The following ME1 variants were observed in gnomAD, a reference collection of about 807,000 sequenced individuals.
ME1 encodes the protein malic enzyme 1.
Under a neutral mutation model 66.4 loss-of-function variants are expected in ME1, and 74 were observed. The observed-to-expected ratio is 1.11, with a 90% CI of 0.92 to 1.35. The LOEUF is 1.35. Ranked by LOEUF, ME1 falls within the 40% of genes most tolerant of loss-of-function variation. The pLI is 0.00. For synonymous variants in ME1, 251 were observed against 235.6 expected (o/e 1.07, Z -0.60); for missense variants, 750 against 694.1 (o/e 1.08, Z -0.90).
At chr6:83,322,025 CCTCCAGCAAA>C (rs1463397280) in intron 5 of ME1, among the ~76,000 whole-genome samples, 1 of 152,198 alleles carries the variant, frequency 6.6e-6, no homozygotes, top group Non-Finnish European at 1.5e-5. Flanking sequence ...CTGGAGTGGA[CCTCCAGCAAA>C]CTCCAGCAGA....
At chr6:83,349,003 A>AAAAAAAC (rs1562487138) in intron 4 of ME1, among the ~76,000 whole-genome samples, 1 of 143,480 alleles carries the variant, frequency 7.0e-6, no homozygotes, top group Admixed American at 7.0e-5. Context: ...AAAAAAAAAC[A>AAAAAAAC]AAAAACAAAA....
chr6:83,322,737 A>G (rs1768202444), intron 5 of ME1, among the ~76,000 whole-genome samples: 1 of 152,218 alleles, frequency 6.6e-6, no homozygotes, highest in Non-Finnish European at 1.5e-5. Flanking sequence ...ACTCTTCAGG[A>G]TATTATCCAA....
chr6:83,227,795 C>G (rs929302304), intron 10 of ME1, among the ~76,000 whole-genome samples: 2 of 152,144 alleles, frequency 1.3e-5, no homozygotes, highest in African/African-American at 4.8e-5. Flanking sequence ...TCTTTATAAG[C>G]AATTCTATGA....
intron 1 of ME1, among the ~76,000 whole-genome samples, chr6:83,410,866 G>A (rs758473282): frequency 2.0e-5 from 3 of 152,030 alleles, no homozygotes; most frequent in Non-Finnish European, 2.9e-5. Flanking sequence ...TAAATCTAAC[G>A]ATTCTCCATA....
chr6:83,251,667 C>G (rs970663077), intron 7 of ME1, among the ~76,000 whole-genome samples: 11 of 151,986 alleles, frequency 7.2e-5, no homozygotes, highest in African/African-American at 2.4e-4. Flanking sequence ...AAAGGGTATT[C>G]TAGGATGAGA....
rs190387877 is a variant in ME1 at position 83,356,244 on chromosome 6, C to T, written c.363-4105G>A. Among the ~76,000 whole-genome samples, 349 of 152,166 alleles carry T rather than the reference C, an allele frequency of 2.3e-3. 1 individual carries two copies. Among genetic ancestry groups the T allele is most frequent in the Non-Finnish European group, 3.0e-3 (205 of 67,978 alleles). ...CCATTCTGAAATTTTCTTAATAACC[C>T]TCTGTTCCATTACAGAAGCCAATTT... is the stretch of plus-strand genomic sequence containing the variant. On this transcript the variant is annotated intron_variant, in intron 3 of 13. Transcript: ENST00000369705.
intron 5 of ME1, among the ~76,000 whole-genome samples, chr6:83,319,724 G>A (rs1004243491): frequency 1.3e-5 from 2 of 152,194 alleles, no homozygotes; most frequent in African/African-American, 4.8e-5. Flanking sequence ...GAACCACCCT[G>A]AGGAAACTTA....
chr6:83,389,571 T>G (rs1300583248), intron 3 of ME1, among the ~76,000 whole-genome samples: 1 of 152,018 alleles, frequency 6.6e-6, no homozygotes, highest in African/African-American at 2.4e-5. Context: ...ATGTAGCTAA[T>G]CAGAACTCAA....
intron 6 of ME1, among the ~76,000 whole-genome samples, chr6:83,278,225 C>T (rs1354782286): frequency 3.3e-5 from 5 of 152,070 alleles, no homozygotes; most frequent in South Asian, 2.1e-4. Flanking sequence ...GTATCAGCAG[C>T]AAAGCTTTAA....
At chr6:83,289,192 T>A (rs922110253) in intron 6 of ME1, among the ~76,000 whole-genome samples, 3 of 152,234 alleles carry the variant, frequency 2.0e-5, no homozygotes, top group African/African-American at 7.2e-5. Context: ...CTAGGTTGAA[T>A]CGAAGTGGTG....
At position 83,293,296 on chromosome 6, in the gene ME1, A is replaced by T. The variant is rs867160685; in HGVS notation, c.704+22014T>A. Among the ~76,000 whole-genome samples, 7 of 152,226 alleles carry T rather than the reference A, an allele frequency of 4.6e-5. No individual in the cohort carries two copies. The Middle Eastern group carries it at 0.01, about 222-fold the overall frequency. On this transcript the variant is annotated intron_variant, in intron 6 of 13. Transcript: ENST00000369705. The stretch of plus-strand genomic sequence containing the variant: ...CTTGGAAGTGACCTCCATCATAATC[A>T]TTTTTAAATGTACAGTTCAGAAATG...
intron 5 of ME1, among the ~76,000 whole-genome samples, chr6:83,316,483 GACTGAGTGCTCTTC>G (rs1435330806): frequency 6.6e-6 from 1 of 151,992 alleles, no homozygotes; most frequent in Non-Finnish European, 1.5e-5. Context: ...AGCAGTGAAA[GACTGAGTGCTCTTC>G]ACTTACGATA....
intron 9 of ME1, among the ~76,000 whole-genome samples, chr6:83,233,598 C>G (rs1232631215): frequency 6.6e-6 from 1 of 151,980 alleles, no homozygotes; most frequent in Non-Finnish European, 1.5e-5. Flanking sequence ...GATGAGCTGA[C>G]TTCACAGTTC....
intron 5 of ME1, among the ~76,000 whole-genome samples, chr6:83,319,209 C>T (rs1204594269): frequency 9.3e-5 from 14 of 150,796 alleles, no homozygotes; most frequent in African/African-American, 2.4e-4. Context: ...TGCTAGATGA[C>T]GAGTTAGTGG....
chr6:83,286,777 C>A (rs993261740), intron 6 of ME1, among the ~76,000 whole-genome samples: 14 of 152,014 alleles, frequency 9.2e-5, no homozygotes, highest in Non-Finnish European at 1.6e-4. Flanking sequence ...TAAAATATTC[C>A]TGAAGAATGT....
chr6:83,253,174 T>G (rs1272471826), intron 7 of ME1, among the ~76,000 whole-genome samples: 2 of 151,946 alleles, frequency 1.3e-5, no homozygotes, highest in Admixed American at 1.3e-4. Context: ...AGGAAAAAAT[T>G]TGGCAGCTTA....
Position 83,227,363 on chromosome 6 carries a change from G to C in ME1, c.1247C>G (p.Ser416Cys). 6.3e-7 allele frequency: 1 copy of C among 1,595,066 alleles called. No individual in the cohort carries two copies. The highest frequency in any genetic ancestry group is 8.6e-7 in the Non-Finnish European group (1 of 1,167,956). Residue 416 changes from serine to cysteine, a missense_variant, in exon 11 of 14, where the codon TCT becomes TGT. Ser to Cys is a moderately radical substitution (Grantham distance 112). Coordinates refer to ENST00000369705, the MANE Select transcript of ME1 (RefSeq NM_002395.6). ...GGTTATTTTGTAGCACTGCTCTGCA[G>C]AACATTCTGCTTTGCTAGTTGGATT... ...LSNPTSKAECSAEQCYKITKG... is the reference protein window; with the variant it reads ...LSNPTSKAECCAEQCYKITKG...
At chr6:83,284,578 A>G (rs1274191472) in intron 6 of ME1, among the ~76,000 whole-genome samples, 1 of 152,090 alleles carries the variant, frequency 6.6e-6, no homozygotes, top group Non-Finnish European at 1.5e-5. Flanking sequence ...TGGAATACAT[A>G]AACAGATTTA....
intron 9 of ME1, among the ~76,000 whole-genome samples, chr6:83,233,715 A>T (rs1307571835): frequency 6.6e-6 from 1 of 151,620 alleles, no homozygotes; most frequent in African/African-American, 2.4e-5. Flanking sequence ...ATTATATTAT[A>T]AGTTAATAAA....
Sources: allele counts gnomAD v4.1 joint callset (sites outside exome capture counted in the v4.1 genomes callset), GRCh38; gene constraint gnomAD v4.1.1; transcripts MANE v1.5; gene names NCBI Gene and HGNC (gene_info 2026-07-23, HGNC 2026-07-21).